KIRREL3: variants seen among roughly 807,000 people sequenced by gnomAD.
KIRREL3 encodes kin of IRRE-like protein 3.
Under a neutral mutation model 89.7 loss-of-function variants are expected in KIRREL3, and 36 were observed. The ratio of observed to expected loss-of-function variants is 0.40; its 90% CI spans 0.31 to 0.53. The LOEUF (loss-of-function observed/expected upper bound fraction) is 0.53, where lower values mean the gene tolerates loss of function less well. KIRREL3 is among the 20% of genes least tolerant of loss of function. The probability of loss-of-function intolerance (pLI) is 0.49; values close to 1 mark genes in which losing one functional copy is unlikely to be tolerated. For synonymous variants in KIRREL3, 445 were observed against 441.4 expected (o/e 1.01, Z -0.10); for missense variants, 864 against 1,056.6 (o/e 0.82, Z 2.53).
In KIRREL3 at chr11:126,778,495, A is replaced by G. The variant is rs1280552415; in HGVS notation, c.56-215583T>C. 6.6e-6 allele frequency among the ~76,000 whole-genome samples: 1 copy of G among 152,236 alleles called. No homozygotes were observed. Among genetic ancestry groups the G allele is most frequent in the Non-Finnish European group, 1.5e-5 (1 of 68,044 alleles). ...CTATAATGTATTAAGCCAATCCTCA[A>G]TTGTTGGAATTTGTATTACTTTTAT... On this transcript the variant is annotated intron_variant, in intron 1 of 16. Coordinates refer to ENST00000525144, the MANE Select transcript of KIRREL3 (RefSeq NM_032531.4). The surrounding 1 kb of genome is among the most constrained non-coding windows in gnomAD (Gnocchi z 4.5).
In KIRREL3 at chr11:126,990,300, T is replaced by G. The variant is rs1949994974; in HGVS notation, c.55+10155A>C. On this transcript the variant is annotated intron_variant, in intron 1 of 16. Transcript: ENST00000525144. The surrounding 1 kb of genome is among the most constrained non-coding windows in gnomAD (Gnocchi z 6.3). ...TGTACCCCCTTAGCTGCTGCCACCC[T>G]TCATCCGGATCCCCTCAAACACTCC... Among the ~76,000 whole-genome samples the G allele has an allele frequency of 6.6e-6, 1 of 152,106 alleles. No homozygotes were observed. The highest frequency in any genetic ancestry group is 1.5e-5 in the Non-Finnish European group (1 of 68,014).
intron 1 of KIRREL3, among the ~76,000 whole-genome samples, chr11:126,717,498 G>A (rs1229179525): frequency 6.6e-6 from 1 of 152,120 alleles, no homozygotes; most frequent in African/African-American, 2.4e-5. Context: ...AAGTTCTCGC[G>A]GGGAACTGTT....
rs545317963 is a variant in KIRREL3 at position 126,740,436 on chromosome 11, A to G, written c.56-177524T>C. Among the ~76,000 whole-genome samples the G allele has an allele frequency of 1.5e-3, 226 of 152,272 alleles. No homozygotes were observed. Among genetic ancestry groups the G allele is most frequent in the African/African-American group, 5.2e-3 (217 of 41,544 alleles). On this transcript the variant is annotated intron_variant, in intron 1 of 16. Coordinates refer to ENST00000525144, the MANE Select transcript of KIRREL3 (RefSeq NM_032531.4). This position sits in a 1 kb window ranked among gnomAD's most constrained non-coding sequence, Gnocchi z 6.0. ...ATTGTCTGCAGAAAAGTCTTTCTGG[A>G]TATACCAGACCAGCCTTTGGTGTCA... is the stretch of plus-strand genomic sequence containing the variant.
Position 126,772,756 on chromosome 11 carries a change from G to A in KIRREL3, c.56-209844C>T, listed in dbSNP as rs927023707. ...CACTGCAGCCTCTGGGGGTGCCATC[G>A]TGGTGCCTTCTGCTTCCTCCTGCCC... On this transcript the variant is annotated intron_variant, in intron 1 of 16. Transcript: ENST00000525144. This position sits in a 1 kb window ranked among gnomAD's most constrained non-coding sequence, Gnocchi z 4.6. 5.3e-5 allele frequency among the ~76,000 whole-genome samples: 8 copies of A among 152,212 alleles called. No homozygotes were observed. The highest frequency in any genetic ancestry group is 7.3e-5 in the Non-Finnish European group (5 of 68,040).
rs1327266041 is a variant in KIRREL3 at position 126,624,724 on chromosome 11, G to A, written c.56-61812C>T. ...TGTGGCTGTGATTTTTCAAAGGGCT[G>A]AGTAATTCCCGAGCATCAATAACGT... On this transcript the variant is annotated intron_variant, in intron 1 of 16. Coordinates refer to ENST00000525144, the MANE Select transcript of KIRREL3 (RefSeq NM_032531.4). The surrounding 1 kb of genome is among the most constrained non-coding windows in gnomAD (Gnocchi z 6.0). 2.0e-5 allele frequency among the ~76,000 whole-genome samples: 3 copies of A among 152,220 alleles called. No homozygotes were observed. The highest frequency in any genetic ancestry group is 2.0e-4 in the Admixed American group (3 of 15,286).
At chr11:126,880,999 A>G (rs932914136) in intron 1 of KIRREL3, among the ~76,000 whole-genome samples, 2 of 152,230 alleles carry the variant, frequency 1.3e-5, no homozygotes, top group South Asian at 4.1e-4. Flanking sequence ...TGCAAACATA[A>G]TAACAGGCTG....
intron 5 of KIRREL3, among the ~76,000 whole-genome samples, chr11:126,465,440 G>A (rs777430307): frequency 2.0e-5 from 3 of 152,174 alleles, no homozygotes; most frequent in Non-Finnish European, 4.4e-5. Flanking sequence ...GGTGGGTACC[G>A]TGCTCTTGGC....
rs78475501 is a variant in KIRREL3, at chr11:126,834,580, G to A, written c.55+165875C>T. Among the ~76,000 whole-genome samples the A allele has an allele frequency of 3.6e-3, 541 of 152,324 alleles. 1 individual carries two copies. The highest frequency in any genetic ancestry group is 0.012 in the African/African-American group (483 of 41,576). ...ATCACTCAAGAGCACTGTGAATGCC[G>A]TGACAAAAAATTATTTTGAGATGCG... On this transcript the variant is annotated intron_variant, in intron 1 of 16. Transcript: ENST00000525144.
In KIRREL3 at chr11:126,657,320, C is replaced by A. The variant is rs1252078556; in HGVS notation, c.56-94408G>T. Among the ~76,000 whole-genome samples the A allele has an allele frequency of 3.9e-5, 6 of 152,132 alleles. No individual in the cohort carries two copies. The East Asian group carries it at 1.2e-3, about 29-fold the overall frequency. ...CAAGGCTCTGAGGGGCCTAGTTAGA[C>A]AACTGCTGGTTTAAAATATTAGAGA... On this transcript the variant is annotated intron_variant, in intron 1 of 16. Transcript: ENST00000525144.
Position 126,609,921 on chromosome 11 carries a change from G to C in KIRREL3, c.56-47009C>G, listed in dbSNP as rs780806411. Among the ~76,000 whole-genome samples the C allele has an allele frequency of 2.6e-5, 4 of 152,184 alleles. No individual in the cohort carries two copies. Among genetic ancestry groups the C allele is most frequent in the Non-Finnish European group, 5.9e-5 (4 of 68,042 alleles). ...GGCACCGAGATAAGAATTTTATGTGGATGACTTCAACGAATCCTCAGAACA... is the reference window on the plus strand; with the variant it reads ...GGCACCGAGATAAGAATTTTATGTGCATGACTTCAACGAATCCTCAGAACA... On this transcript the variant is annotated intron_variant, in intron 1 of 16. Transcript: ENST00000525144. This position sits in a 1 kb window ranked among gnomAD's most constrained non-coding sequence, Gnocchi z 5.0.
At chr11:126,825,073 C>A (rs1318350087) in intron 1 of KIRREL3, among the ~76,000 whole-genome samples, 1 of 152,062 alleles carries the variant, frequency 6.6e-6, no homozygotes, top group Non-Finnish European at 1.5e-5. Context: ...TTTGGGGGTC[C>A]TGAGATTTAT....
At position 126,491,214 on chromosome 11, in the gene KIRREL3, C is replaced by T. The variant is rs558879344; in HGVS notation, c.434-17748G>A. ...CGTCTGCATCTGAAAGTGGGCATGGCGGTGAAACCACCTGAGGGTCAGGAA... is the reference window on the plus strand; with the variant it reads ...CGTCTGCATCTGAAAGTGGGCATGGTGGTGAAACCACCTGAGGGTCAGGAA... On this transcript the variant is annotated intron_variant, in intron 4 of 16. Transcript: ENST00000525144. This position sits in a 1 kb window ranked among gnomAD's most constrained non-coding sequence, Gnocchi z 5.5. 2.0e-5 allele frequency among the ~76,000 whole-genome samples: 3 copies of T among 152,174 alleles called. No individual in the cohort carries two copies. Among genetic ancestry groups the T allele is most frequent in the African/African-American group, 4.8e-5 (2 of 41,444 alleles).
At position 126,516,687 on chromosome 11, in the gene KIRREL3, G is replaced by C. The variant is rs771677567; in HGVS notation, c.433+4628C>G. Among the ~76,000 whole-genome samples the C allele has an allele frequency of 6.6e-6, 1 of 152,224 alleles. No individual in the cohort carries two copies. Among genetic ancestry groups the C allele is most frequent in the East Asian group, 1.9e-4 (1 of 5,196 alleles). On this transcript the variant is annotated intron_variant, in intron 4 of 16. Transcript: ENST00000525144. The surrounding 1 kb of genome is among the most constrained non-coding windows in gnomAD (Gnocchi z 4.9). ...CTTCCCAAGTTTCCAGGAAGTTGAA[G>C]AGATCAAGTGTAATGCCACCCTTAC...
intron 2 of KIRREL3, among the ~76,000 whole-genome samples, chr11:126,534,318 G>A (rs371289065): frequency 6.6e-6 from 1 of 152,226 alleles, no homozygotes; most frequent in African/African-American, 2.4e-5. Context: ...CTCCGCATCT[G>A]ACTGGCGCTG....
rs1479935392 is a variant in KIRREL3 at position 126,431,193 on chromosome 11, G to T, written c.1696+226C>A. 1 of 1,469,524 alleles carries T rather than the reference G, an allele frequency of 6.8e-7. No homozygotes were observed. Among genetic ancestry groups the T allele is most frequent in the Non-Finnish European group, 9.0e-7 (1 of 1,107,672 alleles). The allele number at this position is 1,469,524 out of a possible 1,614,324, so 91.0% of individuals were successfully genotyped here. A position where few individuals can be genotyped will look rare whatever the true frequency, so the allele number is the denominator to read the frequency against. On this transcript the variant is annotated intron_variant, in intron 14 of 16. Coordinates refer to ENST00000525144, the MANE Select transcript of KIRREL3 (RefSeq NM_032531.4). The surrounding 1 kb of genome is among the most constrained non-coding windows in gnomAD (Gnocchi z 7.1). ...AAATGCTGGCTGCCCTGCAGATGAA[G>T]TTCAGTCTAGTCCAGGTCAACCTCA...
intron 1 of KIRREL3, among the ~76,000 whole-genome samples, chr11:126,923,207 CT>C (rs757604746): frequency 0.096 from 1,274 of 13,324 alleles, 306 homozygotes; most frequent in African/African-American, 0.17. Flanking sequence ...TCTTCTTCTT[CT>C]TCTTCTTCTT....
At chr11:127,002,358 T>C (rs1423204624), upstream of KIRREL3, among the ~76,000 whole-genome samples, 1 of 152,182 alleles carries the variant, frequency 6.6e-6, no homozygotes, top group Non-Finnish European at 1.5e-5. Flanking sequence ...AACAGAAATG[T>C]TGAGCAACAG....
chr11:126,491,122 CTG>C lies in KIRREL3; in HGVS notation c.434-17658_434-17657del, dbSNP rs1957500071. ...GAAACCGGAATCCCAAAGACAAGCC[CTG>C]AGTCTCCAGGCCACCACTTTCTACC... On this transcript the variant is annotated intron_variant, in intron 4 of 16. Transcript: ENST00000525144. The surrounding 1 kb of genome is among the most constrained non-coding windows in gnomAD (Gnocchi z 5.5). 6.6e-6 allele frequency among the ~76,000 whole-genome samples: 1 copy of C among 152,212 alleles called. No homozygotes were observed. The highest frequency in any genetic ancestry group is 2.4e-5 in the African/African-American group (1 of 41,462).
intron 1 of KIRREL3, among the ~76,000 whole-genome samples, chr11:126,784,461 C>T (rs1027352342): frequency 2.4e-4 from 36 of 151,884 alleles, no homozygotes; most frequent in African/African-American, 8.5e-4. Context: ...TGTTAGGGTA[C>T]ATGACTTGGT....
Sources: gnomAD v4.1 joint callset for allele counts (sites outside exome capture counted in the v4.1 genomes callset) on GRCh38, gnomAD v4.1.1 for gene constraint, Gnocchi (gnomAD v3.1) non-coding constraint, MANE v1.5 for transcripts, NCBI Gene and HGNC (gene_info 2026-07-23, HGNC 2026-07-21) for gene names.